Variants in GPR158 observed in about 807,000 individuals in gnomAD.
GPR158 encodes the protein metabotropic glycine receptor.
GPR158 carries 30 observed loss-of-function variants against 78.2 expected under a neutral mutation model. The ratio of observed to expected loss-of-function variants is 0.38; its 90% CI spans 0.29 to 0.52. The LOEUF is 0.52. Ranked by LOEUF, GPR158 falls within the 20% of genes least tolerant of loss-of-function variation. The probability of loss-of-function intolerance (pLI) is 0.83; values close to 1 mark genes in which losing one functional copy is unlikely to be tolerated. For synonymous variants in GPR158, 581 were observed against 591.1 expected, an observed-to-expected ratio of 0.98 and a Z score of 0.25; for missense variants, 1,463 against 1,523.5, an observed-to-expected ratio of 0.96 and a Z score of 0.66.
chr10:25,593,125 C>T (rs1837363010), intron 8 of GPR158, among the ~76,000 whole-genome samples: 2 of 151,606 alleles, frequency 1.3e-5, no homozygotes, highest in African/African-American at 2.4e-5. Flanking sequence ...ATGTTACAAG[C>T]CTATTTGGTT....
intron 2 of GPR158, among the ~76,000 whole-genome samples, chr10:25,295,899 A>G (rs1006215306): frequency 6.6e-6 from 1 of 152,070 alleles, no homozygotes; most frequent in South Asian, 2.1e-4. Flanking sequence ...TCAATTCTTC[A>G]AGGAGGCCTT....
At chr10:25,390,231 G>A (rs192924803) in intron 2 of GPR158, among the ~76,000 whole-genome samples, 1 of 152,280 alleles carries the variant, frequency 6.6e-6, no homozygotes, top group East Asian at 1.9e-4. Context: ...GGGGGGTACT[G>A]CTATTAAGAT....
chr10:25,201,041 A>G (rs1852920922), intron 1 of GPR158, among the ~76,000 whole-genome samples: 1 of 152,018 alleles, frequency 6.6e-6, no homozygotes, highest in Non-Finnish European at 1.5e-5. Context: ...TTCTATGAAT[A>G]ATGTCATTGG....
At chr10:25,492,790 T>C (rs1236386151) in intron 5 of GPR158, among the ~76,000 whole-genome samples, 1 of 151,640 alleles carries the variant, frequency 6.6e-6, no homozygotes. Context: ...GATAAACAAT[T>C]CAAGCTATCC....
chr10:25,307,281 G>C (rs1476868217), intron 2 of GPR158, among the ~76,000 whole-genome samples: 3 of 149,888 alleles, frequency 2.0e-5, no homozygotes, highest in Non-Finnish European at 4.4e-5. Context: ...TCATCACGTG[G>C]TTTTTCATGA....
At chr10:25,368,375 G>T (rs1833930415) in intron 2 of GPR158, among the ~76,000 whole-genome samples, 1 of 151,720 alleles carries the variant, frequency 6.6e-6, no homozygotes, top group Admixed American at 6.6e-5. Context: ...TAGCATCTAT[G>T]AGAAATTTGT....
At chr10:25,322,162 G>C (rs1033528413) in intron 2 of GPR158, among the ~76,000 whole-genome samples, 2 of 151,888 alleles carry the variant, frequency 1.3e-5, no homozygotes, top group African/African-American at 4.8e-5. Context: ...CGGGCAGATC[G>C]CAAGGTCAGG....
chr10:25,392,693 T>A (rs550374034), intron 2 of GPR158, among the ~76,000 whole-genome samples: 1 of 152,180 alleles, frequency 6.6e-6, no homozygotes, highest in Non-Finnish European at 1.5e-5. Flanking sequence ...TTAACTGAAC[T>A]AATTTCCTAA....
At chr10:25,195,374 T>C in intron 1 of GPR158, among the ~76,000 whole-genome samples, 1 of 152,140 alleles carries the variant, frequency 6.6e-6, no homozygotes, top group East Asian at 1.9e-4. Flanking sequence ...CTGGGCTAAA[T>C]TTTTGTATTT....
intron 9 of GPR158, 130 bp downstream of exon 9, chr10:25,594,527 A>T (rs1337815447): frequency 4.2e-6 from 2 of 477,746 alleles, no homozygotes; most frequent in African/African-American, 2.0e-5. Context: ...CTCCCTCCTC[A>T]GGAAACTGGC....
chr10:25,193,739 GGCCTTCCT>G (rs1852806660), intron 1 of GPR158, among the ~76,000 whole-genome samples: 1 of 151,790 alleles, frequency 6.6e-6, no homozygotes, highest in South Asian at 2.1e-4. Context: ...TTTCAGTCTT[GGCCTTCCT>G]GCCCACTGCC....
At chr10:25,261,442 A>C (rs185705671) in intron 2 of GPR158, among the ~76,000 whole-genome samples, 1 of 152,010 alleles carries the variant, frequency 6.6e-6, no homozygotes, top group East Asian at 1.9e-4. Context: ...GCTTGTTTTT[A>C]TTTTTTTTAC....
chr10:25,576,980 A>C (rs914347126), intron 7 of GPR158, among the ~76,000 whole-genome samples: 1 of 151,480 alleles, frequency 6.6e-6, no homozygotes, highest in Non-Finnish European at 1.5e-5. Context: ...CAAAAAAAAA[A>C]AAAAAAAGTC....
At chr10:25,253,323 C>T (rs944857816) in intron 2 of GPR158, among the ~76,000 whole-genome samples, 1 of 152,174 alleles carries the variant, frequency 6.6e-6, no homozygotes, top group Non-Finnish European at 1.5e-5. Flanking sequence ...CCTATTCGGC[C>T]ATCTTGGCAC....
intron 2 of GPR158, among the ~76,000 whole-genome samples, chr10:25,229,920 C>A (rs1853425976): frequency 6.6e-6 from 1 of 152,104 alleles, no homozygotes; most frequent in Admixed American, 6.6e-5. Context: ...TTCCCATAGG[C>A]CCTGGATTTG....
chr10:25,504,763 A>AT (rs1002319081), intron 5 of GPR158, among the ~76,000 whole-genome samples: 32 of 152,104 alleles, frequency 2.1e-4, no homozygotes, highest in Middle Eastern at 6.8e-3. Flanking sequence ...GTTTATATAA[A>AT]TTTTTTTTAT....
intron 5 of GPR158, among the ~76,000 whole-genome samples, chr10:25,501,024 G>A (rs896823456): frequency 1.8e-4 from 28 of 152,140 alleles, no homozygotes; most frequent in East Asian, 7.7e-4. Flanking sequence ...CCTATCGTAC[G>A]CGTAAATGGA....
intron 2 of GPR158, among the ~76,000 whole-genome samples, chr10:25,314,029 G>T (rs1322403266): frequency 6.6e-6 from 1 of 151,952 alleles, no homozygotes; most frequent in Non-Finnish European, 1.5e-5. Flanking sequence ...ATTTTAAAAC[G>T]TTTTATTATT....
intron 5 of GPR158, among the ~76,000 whole-genome samples, chr10:25,483,622 A>C (rs1048486028): frequency 6.6e-6 from 1 of 152,130 alleles, no homozygotes. Flanking sequence ...TTCTCAAGAC[A>C]AAAATTTGAA....
Sources: allele counts gnomAD v4.1 joint callset (sites outside exome capture counted in the v4.1 genomes callset), GRCh38; gene constraint gnomAD v4.1.1; transcripts MANE v1.5; gene names NCBI Gene and HGNC (gene_info 2026-07-23, HGNC 2026-07-21).